Variants in LEF1 observed in about 807,000 individuals in gnomAD.
LEF1 encodes the protein lymphoid enhancer binding factor 1.
A neutral mutation model predicts 51.2 loss-of-function variants in LEF1; 14 were observed. The ratio of observed to expected loss-of-function variants is 0.27; its 90% CI spans 0.18 to 0.43. The LOEUF (loss-of-function observed/expected upper bound fraction) is 0.43. Ranked by LOEUF, LEF1 falls within the 20% of genes least tolerant of loss-of-function variation. LEF1 has a pLI of 1.00. For missense variants in LEF1, 386 were observed against 512.0 expected (o/e 0.75, Z 2.37); for synonymous variants, 185 against 183.2 (o/e 1.01, Z -0.08).
chr4:108,080,730 T>C (rs1236858990), intron 6 of LEF1, among the ~76,000 whole-genome samples: 2 of 152,202 alleles, frequency 1.3e-5, no homozygotes, highest in Admixed American at 1.3e-4. Flanking sequence ...CATTTACAAC[T>C]CACTGAAAAA....
intron 3 of LEF1, among the ~76,000 whole-genome samples, chr4:108,126,187 T>G (rs896507130): frequency 6.6e-5 from 10 of 152,164 alleles, no homozygotes; most frequent in Non-Finnish European, 1.3e-4. Flanking sequence ...AAGCCAATTC[T>G]AGATTTTTGA....
intron 9 of LEF1, among the ~76,000 whole-genome samples, chr4:108,068,140 G>A (rs933825259): frequency 1.3e-5 from 2 of 151,992 alleles, no homozygotes; most frequent in African/African-American, 4.8e-5. Context: ...GGTGGTGCAT[G>A]CCTGTAATCC....
At chr4:108,106,516 G>A (rs1443330884) in intron 3 of LEF1, among the ~76,000 whole-genome samples, 1 of 152,178 alleles carries the variant, frequency 6.6e-6, no homozygotes, top group Admixed American at 6.5e-5. Context: ...TTCATTTTCA[G>A]TGTCCAGTGG....
At chr4:108,068,675 G>A (rs1176831622) in intron 9 of LEF1, among the ~76,000 whole-genome samples, 1 of 152,160 alleles carries the variant, frequency 6.6e-6, no homozygotes, top group African/African-American at 2.4e-5. Context: ...ACCTTGACCA[G>A]TAAAGTGACT....
chr4:108,125,043 A>G (rs1301613442), intron 3 of LEF1, among the ~76,000 whole-genome samples: 1 of 152,096 alleles, frequency 6.6e-6, no homozygotes, highest in Non-Finnish European at 1.5e-5. Flanking sequence ...ATACCAACAT[A>G]TTTTCCCATG....
At chr4:108,110,754 G>C (rs1277563814) in intron 3 of LEF1, among the ~76,000 whole-genome samples, 4 of 152,130 alleles carry the variant, frequency 2.6e-5, no homozygotes, top group Non-Finnish European at 4.4e-5. Context: ...GTAAAATGAA[G>C]ATAATATCCA....
chr4:108,130,028 G>A (rs1037396051), intron 3 of LEF1, among the ~76,000 whole-genome samples: 6 of 152,184 alleles, frequency 3.9e-5, no homozygotes, highest in Non-Finnish European at 1.5e-5. Context: ...GTATTCAATA[G>A]TGATCCCATT....
Position 108,094,021 on chromosome 4 carries a change from G to A in LEF1, c.415-4764C>T, listed in dbSNP as rs367804035. On this transcript the variant is annotated intron_variant, in intron 3 of 11. Coordinates refer to ENST00000265165, the MANE Select transcript of LEF1 (RefSeq NM_016269.5). ...ATGGAGAAGAAAATATTCTTGAAGG[G>A]TATGTGCTCTAGCAAGCAGCCAAGC... 9.2e-5 allele frequency among the ~76,000 whole-genome samples: 14 copies of A among 152,244 alleles called. No individual in the cohort carries two copies. In the East Asian group the frequency reaches 2.7e-3, roughly 29 times the overall value.
intron 9 of LEF1, 71 bp from the exon 10 acceptor site, chr4:108,064,455 G>T: frequency 8.8e-7 from 1 of 1,141,846 alleles, no homozygotes. Flanking sequence ...TGATGTGGAA[G>T]TACAGGCAGG....
At chr4:108,132,659 C>CTTGTTTTTTTTTTTTTT (rs1742970254) in intron 3 of LEF1, among the ~76,000 whole-genome samples, 1 of 47,438 alleles carries the variant, frequency 2.1e-5, no homozygotes, top group Non-Finnish European at 3.6e-5. Context: ...GAAAATCTGC[C>CTTGTTTTTTTTTTTTTT]TTTTTTTTTT....
rs77351461 is a variant in LEF1 at position 108,054,406 on chromosome 4, C to T, written c.*7-5655G>A. 3.2e-4 allele frequency among the ~76,000 whole-genome samples: 49 copies of T among 152,324 alleles called. No homozygotes were observed. The East Asian group carries it at 8.9e-3, about 28-fold the overall frequency. Reference sequence around the variant, plus strand: ...ATGGTAATTCACTCTGCAGACGCAGCGCTGCTACTCGCCAGCTGCATGGCC... The same window carrying T: ...ATGGTAATTCACTCTGCAGACGCAGTGCTGCTACTCGCCAGCTGCATGGCC... On this transcript the variant is annotated intron_variant, in intron 11 of 11. Coordinates refer to ENST00000265165, the MANE Select transcript of LEF1 (RefSeq NM_016269.5).
intron 3 of LEF1, among the ~76,000 whole-genome samples, chr4:108,148,457 C>A (rs1378285724): frequency 1.3e-5 from 2 of 152,128 alleles, no homozygotes; most frequent in Non-Finnish European, 2.9e-5. Flanking sequence ...CTCTACTAGG[C>A]TGCAACACTC....
intron 3 of LEF1, among the ~76,000 whole-genome samples, chr4:108,093,209 G>A: frequency 6.6e-6 from 1 of 152,156 alleles, no homozygotes. Flanking sequence ...CACAACTCCA[G>A]TAACGCAGGG....
At position 108,079,571 on chromosome 4, in the gene LEF1, T is replaced by C; in HGVS notation, c.766A>G (p.Thr256Ala). ...MIPGPPGPHT[T>A]GIPHPAIVTP... The stretch of plus-strand genomic sequence containing the variant: ...ACAATAGCTGGATGAGGGATGCCAG[T>C]TGTGTGGGGACCAGGAGGACCGGGA... The change falls in exon 7 of 12, where the codon ACT becomes GCT. Residue 256 changes from threonine (T) to alanine (A), a missense_variant. Thr to Ala is a moderately conservative substitution (Grantham distance 58). Coordinates refer to ENST00000265165, the MANE Select transcript of LEF1 (RefSeq NM_016269.5). 1 of 1,613,884 alleles carries C rather than the reference T, an allele frequency of 6.2e-7. No homozygotes were observed.
At chr4:108,154,318 G>A (rs1342823511) in intron 3 of LEF1, among the ~76,000 whole-genome samples, 2 of 151,572 alleles carry the variant, frequency 1.3e-5, no homozygotes, top group Non-Finnish European at 2.9e-5. Flanking sequence ...TACTGCTGTC[G>A]CTGACGATGG....
intron 3 of LEF1, among the ~76,000 whole-genome samples, chr4:108,121,243 C>T (rs556866219): frequency 2.0e-5 from 3 of 152,294 alleles, no homozygotes; most frequent in Admixed American, 6.5e-5. Context: ...TGGTGCCAGG[C>T]CATGATTTGT....
intron 4 of LEF1, among the ~76,000 whole-genome samples, chr4:108,088,598 C>T (rs756627439): frequency 2.5e-4 from 38 of 152,222 alleles, no homozygotes; most frequent in Middle Eastern, 6.8e-3. Context: ...AATGCAGAGG[C>T]GTAAAATAAG....
chr4:108,093,124 G>A (rs532169966), intron 3 of LEF1, among the ~76,000 whole-genome samples: 3 of 152,106 alleles, frequency 2.0e-5, no homozygotes, highest in Admixed American at 6.5e-5. Context: ...ACTGGAAGCC[G>A]AGAAACAGAG....
At chr4:108,151,994 T>C (rs1251304811) in intron 3 of LEF1, among the ~76,000 whole-genome samples, 1 of 152,120 alleles carries the variant, frequency 6.6e-6, no homozygotes, top group African/African-American at 2.4e-5. Context: ...CAAAGATGAA[T>C]AAGACATGCT....
Sources: gnomAD v4.1 joint callset for allele counts (sites outside exome capture counted in the v4.1 genomes callset) on GRCh38, gnomAD v4.1.1 for gene constraint, MANE v1.5 for transcripts, NCBI Gene and HGNC (gene_info 2026-07-23, HGNC 2026-07-21) for gene names.